The following GLB1L2 variants were observed in gnomAD, a reference collection of about 807,000 sequenced individuals.
GLB1L2 encodes the protein beta-galactosidase-1-like protein 2.
A neutral mutation model predicts 84.1 loss-of-function variants in GLB1L2; 68 were observed. That is an observed-to-expected ratio of 0.81 (90% CI 0.67 to 0.99). The LOEUF is 0.99. GLB1L2 is among the 50% of genes least tolerant of loss of function. The pLI is 0.00. For missense variants in GLB1L2, 762 were observed against 805.6 expected (o/e 0.95, Z 0.66); for synonymous variants, 290 against 318.0 (o/e 0.91, Z 0.94).
chr11:134,334,709 G>A lies in GLB1L2; in HGVS notation c.86+2562G>A, dbSNP rs1041404718. ...CCACTGATCTGTTGCTTTCCGACAC[G>A]ATATATTGGTTTGCATTTTCTAGTG... is the stretch of plus-strand genomic sequence containing the variant. On this transcript the variant is annotated intron_variant, in intron 1 of 18. Transcript: ENST00000535456. The surrounding 1 kb of genome is among the most constrained non-coding windows in gnomAD (Gnocchi z 4.1). 3.9e-4 allele frequency among the ~76,000 whole-genome samples: 59 copies of A among 152,126 alleles called. No individual in the cohort carries two copies. Among genetic ancestry groups the A allele is most frequent in the Admixed American group, 2.9e-3 (44 of 15,296 alleles).
chr11:134,335,612 G>A (rs1943374542), intron 1 of GLB1L2, among the ~76,000 whole-genome samples: 1 of 152,160 alleles, frequency 6.6e-6, no homozygotes, highest in Admixed American at 6.5e-5. Context: ...CATAGTATTG[G>A]TATAGGTGTG....
At chr11:134,350,748 T>C (rs1181374965) in intron 5 of GLB1L2, among the ~76,000 whole-genome samples, 1 of 152,282 alleles carries the variant, frequency 6.6e-6, no homozygotes, top group African/African-American at 2.4e-5. Flanking sequence ...GTTTGTAATG[T>C]ACAATCAGTG....
intron 8 of GLB1L2, among the ~76,000 whole-genome samples, chr11:134,365,979 C>T (rs1362603745): frequency 6.6e-6 from 1 of 152,226 alleles, no homozygotes; most frequent in Non-Finnish European, 1.5e-5. Context: ...CCGTTTAATT[C>T]TCCCAATAGT....
intron 1 of GLB1L2, among the ~76,000 whole-genome samples, chr11:134,333,054 G>C (rs542417910): frequency 6.6e-6 from 1 of 152,264 alleles, no homozygotes; most frequent in African/African-American, 2.4e-5. Flanking sequence ...GAGAAACTAA[G>C]TTCTTAGTTT....
intron 8 of GLB1L2, 106 bp downstream of exon 8, chr11:134,364,504 C>T: frequency 1.1e-6 from 1 of 924,704 alleles, no homozygotes; most frequent in Admixed American, 2.2e-5. Context: ...GAGCTGGACT[C>T]AGGGCTGATG....
chr11:134,356,362 A>T lies in GLB1L2; in HGVS notation c.620A>T (p.Lys207Ile). 1 of 1,613,732 alleles carries T rather than the reference A, an allele frequency of 6.2e-7. No homozygotes were observed. Among genetic ancestry groups the T allele is most frequent in the African/African-American group, 1.3e-5 (1 of 75,014 alleles). The stretch of plus-strand genomic sequence containing the variant: ...GAGAATGAATATGGTTCCTATAATA[A>T]AGACCCCGCATACATGCCCTACGTC... The part of the protein sequence containing the change: ...QVENEYGSYN[K>I]DPAYMPYVKK... Residue 207 changes from lysine (K) to isoleucine (I), a missense_variant, in exon 6 of 19, where the codon AAA (lysine) becomes ATA (isoleucine). By Grantham distance (102) the Lys-to-Ile change is moderately radical (BLOSUM62 -3). Coordinates refer to ENST00000535456, the MANE Select transcript of GLB1L2 (RefSeq NM_001370461.1).
chr11:134,359,114 G>T lies in GLB1L2; in HGVS notation c.706G>T (p.Gly236Trp). 2 of 1,604,688 alleles carry T rather than the reference G, an allele frequency of 1.2e-6. No individual in the cohort carries two copies. The highest frequency in any genetic ancestry group is 1.7e-6 in the Non-Finnish European group (2 of 1,175,504). The change falls in exon 7 of 19, where the codon GGG becomes TGG. Residue 236 changes from glycine (G) to tryptophan (W), a missense_variant. Physicochemically the swap from Gly to Trp is radical, Grantham distance 184. Transcript: ENST00000535456. ...GCTCCTGACTTCAGACAACAAGGAT[G>T]GGCTGAGCAAGGGGATTGTCCAGGG... ...ELLLTSDNKD[G>W]LSKGIVQGVL...
chr11:134,367,965 T>C (rs984537560), intron 9 of GLB1L2, among the ~76,000 whole-genome samples: 1 of 152,204 alleles, frequency 6.6e-6, no homozygotes, highest in African/African-American at 2.4e-5. Context: ...CGGCTTTCCC[T>C]GGGATGAGCG....
At chr11:134,354,177 C>T (rs374129350) in intron 5 of GLB1L2, among the ~76,000 whole-genome samples, 11 of 152,034 alleles carry the variant, frequency 7.2e-5, no homozygotes, top group Admixed American at 2.0e-4. Context: ...TTTTTTATAA[C>T]GATTCCCTTT....
rs766307047 is a variant in GLB1L2 at position 134,370,435 on chromosome 11, G to C, written c.1215+36G>C. 6.6e-7 allele frequency: 1 copy of C among 1,520,076 alleles called. No individual in the cohort carries two copies. Among genetic ancestry groups the C allele is most frequent in the Admixed American group, 1.7e-5 (1 of 59,782 alleles). The allele number at this position is 1,520,076 out of a possible 1,614,324, so 94.2% of individuals were successfully genotyped here. ...TGGGCAGTCATCGGGAGGTGAGTGAGTGCCGGGGGCAGTCGTTGGCAGGGA... is the reference window on the plus strand; with the variant it reads ...TGGGCAGTCATCGGGAGGTGAGTGACTGCCGGGGGCAGTCGTTGGCAGGGA... On this transcript the variant is annotated intron_variant, in intron 12 of 18. Coordinates refer to ENST00000535456, the MANE Select transcript of GLB1L2 (RefSeq NM_001370461.1). The surrounding 1 kb of genome is among the most constrained non-coding windows in gnomAD (Gnocchi z 4.7).
chr11:134,343,660 A>C (rs990078105), intron 2 of GLB1L2, among the ~76,000 whole-genome samples: 3 of 152,174 alleles, frequency 2.0e-5, no homozygotes, highest in Admixed American at 6.5e-5. Flanking sequence ...GAGTTACAGA[A>C]ACCTGCCGAG....
chr11:134,354,619 T>C (rs1053744986), intron 5 of GLB1L2, among the ~76,000 whole-genome samples: 3 of 152,092 alleles, frequency 2.0e-5, no homozygotes, highest in African/African-American at 7.2e-5. Context: ...CATTTTTGAG[T>C]TTTGCTGGAT....
intron 7 of GLB1L2, 142 bp downstream of exon 7, chr11:134,359,283 A>C: frequency 1.8e-6 from 1 of 570,504 alleles, no homozygotes; most frequent in Non-Finnish European, 3.1e-6. Flanking sequence ...GGCTGCAGAC[A>C]CCCTTGGGTT....
In GLB1L2 at chr11:134,364,052, G is replaced by A. The variant is rs568904492; in HGVS notation, c.734-276G>A. ...ACCACCAACCCTGGCTAATTTTTTT[G>A]TGTATTTTAGTAGAGAGGGGGTTTC... is the stretch of plus-strand genomic sequence containing the variant. On this transcript the variant is annotated intron_variant, in intron 7 of 18. Coordinates refer to ENST00000535456, the MANE Select transcript of GLB1L2 (RefSeq NM_001370461.1). Among the ~76,000 whole-genome samples the A allele has an allele frequency of 8.5e-5, 13 of 152,134 alleles. No individual in the cohort carries two copies. In the South Asian group the frequency reaches 2.7e-3, roughly 32 times the overall value.
chr11:134,346,365 G>A (rs185256078), intron 4 of GLB1L2: 6 of 152,556 alleles, frequency 3.9e-5, no homozygotes, highest in Admixed American at 2.0e-4. Context: ...ACAGGAGGAC[G>A]AAGGGTTTAA....
intron 8 of GLB1L2, among the ~76,000 whole-genome samples, chr11:134,366,856 G>C (rs1209811688): frequency 2.6e-5 from 4 of 152,082 alleles, no homozygotes; most frequent in African/African-American, 4.8e-5. Flanking sequence ...ACCCAGGGTG[G>C]GGGGGAGGGA....
rs1453528286 is a variant in GLB1L2, at chr11:134,374,669, A to G, written c.1775A>G (p.Gln592Arg). The change falls in exon 18 of 19, where the codon CAG becomes CGG. Residue 592 changes from glutamine (Q) to arginine (R), a missense_variant. Transcript: ENST00000535456. ...NLGRYWNIGP[Q>R]KTLYLPGPWL... Reference sequence around the variant, plus strand: ...GGACGTTACTGGAACATTGGACCCCAGAAGACGCTTTACCTCCCAGGTCCC... The same window carrying G: ...GGACGTTACTGGAACATTGGACCCCGGAAGACGCTTTACCTCCCAGGTCCC... 11 of 1,613,918 alleles carry G rather than the reference A, an allele frequency of 6.8e-6. No individual in the cohort carries two copies. The highest frequency in any genetic ancestry group is 8.5e-6 in the Non-Finnish European group (10 of 1,180,012).
intron 5 of GLB1L2, among the ~76,000 whole-genome samples, chr11:134,353,017 C>T (rs924284805): frequency 4.6e-5 from 7 of 152,150 alleles, no homozygotes; most frequent in African/African-American, 1.7e-4. Context: ...TTTCCACATA[C>T]TTGAATTTTT....
At chr11:134,355,714 T>C (rs1220165665) in intron 5 of GLB1L2, among the ~76,000 whole-genome samples, 2 of 152,208 alleles carry the variant, frequency 1.3e-5, no homozygotes, top group East Asian at 1.9e-4. Context: ...GGCTTTATAG[T>C]CCTCTGGCAG....
Sources: gnomAD v4.1 joint callset for allele counts (sites outside exome capture counted in the v4.1 genomes callset) on GRCh38, gnomAD v4.1.1 for gene constraint, Gnocchi (gnomAD v3.1) non-coding constraint, MANE v1.5 for transcripts, NCBI Gene and HGNC (gene_info 2026-07-23, HGNC 2026-07-21) for gene names.